Variants in CACNA2D1 observed in about 807,000 individuals in gnomAD.
CACNA2D1 encodes the protein calcium voltage-gated channel auxiliary subunit alpha2delta 1, also known as voltage-dependent calcium channel subunit alpha-2/delta-1.
In CACNA2D1, 53 loss-of-function variants were observed where a neutral mutation model predicts 171.5. The observed-to-expected ratio is 0.31, with a 90% CI of 0.25 to 0.39. CACNA2D1 has a LOEUF of 0.39. Among genes scored for constraint, CACNA2D1 ranks in the 10% least tolerant of loss-of-function variants. The pLI, the probability that CACNA2D1 is intolerant of heterozygous loss-of-function variation, is 1.00. For synonymous variants in CACNA2D1, 442 were observed against 443.1 expected, an observed-to-expected ratio of 1.00 and a Z score of 0.03; for missense variants, 903 against 1,299.8, an observed-to-expected ratio of 0.69 and a Z score of 4.69.
At chr7:82,001,984 T>C (rs1798648967) in intron 18 of CACNA2D1, among the ~76,000 whole-genome samples, 2 of 126,630 alleles carry the variant, frequency 1.6e-5, no homozygotes, top group African/African-American at 3.0e-5. Context: ...GTGGGAAAAA[T>C]GGTTGTTTGT....
At chr7:82,274,431 T>A (rs1304854083) in intron 3 of CACNA2D1, among the ~76,000 whole-genome samples, 1 of 152,216 alleles carries the variant, frequency 6.6e-6, no homozygotes, top group African/African-American at 2.4e-5. Context: ...CCCTAGTTCC[T>A]AGAAATAGCA....
At chr7:82,060,186 T>TATA (rs1806556289) in intron 10 of CACNA2D1, among the ~76,000 whole-genome samples, 4 of 13,166 alleles carry the variant, frequency 3.0e-4, no homozygotes, top group African/African-American at 1.1e-3. Context: ...ATAATATATA[T>TATA]ATATTATATA....
intron 4 of CACNA2D1, among the ~76,000 whole-genome samples, chr7:82,157,565 G>C (rs1450178988): frequency 6.6e-6 from 1 of 151,932 alleles, no homozygotes; most frequent in Non-Finnish European, 1.5e-5. Flanking sequence ...GAAGCCTCAG[G>C]ATCAACATCT....
chr7:82,307,806 T>A (rs1813923061), intron 3 of CACNA2D1, among the ~76,000 whole-genome samples: 1 of 152,148 alleles, frequency 6.6e-6, no homozygotes, highest in Non-Finnish European at 1.5e-5. Context: ...ACTTGGTAGA[T>A]ACCTTCTGTT....
chr7:82,335,313 C>T (rs1285863231), intron 2 of CACNA2D1, 62 bp from the exon 3 acceptor site: 1 of 928,452 alleles, frequency 1.1e-6, no homozygotes, highest in Non-Finnish European at 1.8e-6. Context: ...TACAAGTTCC[C>T]ATTGGAATGT....
intron 16 of CACNA2D1, among the ~76,000 whole-genome samples, chr7:82,006,980 TCTTAA>T (rs1316451265): frequency 1.3e-5 from 2 of 152,096 alleles, no homozygotes; most frequent in African/African-American, 4.8e-5. Flanking sequence ...ATTAAAAAAG[TCTTAA>T]CTTCAAAATC....
At chr7:82,259,091 T>A (rs965897902) in intron 3 of CACNA2D1, among the ~76,000 whole-genome samples, 2 of 152,112 alleles carry the variant, frequency 1.3e-5, no homozygotes, top group Non-Finnish European at 2.9e-5. Context: ...CCTCCCAAAG[T>A]GCTGGAATTA....
At chr7:82,256,992 G>T (rs1427434749) in intron 3 of CACNA2D1, among the ~76,000 whole-genome samples, 1 of 152,106 alleles carries the variant, frequency 6.6e-6, no homozygotes, top group Non-Finnish European at 1.5e-5. Flanking sequence ...ATTAGAGATG[G>T]TATCAATGGT....
At chr7:81,954,857 C>T (rs1253089194) in intron 38 of CACNA2D1, among the ~76,000 whole-genome samples, 1 of 152,068 alleles carries the variant, frequency 6.6e-6, no homozygotes, top group African/African-American at 2.4e-5. Context: ...CATGTAGATA[C>T]TGCATAATAA....
chr7:82,195,742 C>G (rs906965098), intron 3 of CACNA2D1, among the ~76,000 whole-genome samples: 2 of 151,804 alleles, frequency 1.3e-5, no homozygotes, highest in African/African-American at 4.8e-5. Flanking sequence ...GCCTGGCTCA[C>G]CCTGAGAAGT....
intron 26 of CACNA2D1, among the ~76,000 whole-genome samples, chr7:81,971,271 G>A (rs1313419444): frequency 1.3e-5 from 2 of 151,538 alleles, no homozygotes; most frequent in East Asian, 1.9e-4. Flanking sequence ...GTGGAGGAAT[G>A]GAGAACACTA....
chr7:82,087,968 C>T (rs556103098), intron 6 of CACNA2D1, among the ~76,000 whole-genome samples: 6 of 152,282 alleles, frequency 3.9e-5, no homozygotes, highest in South Asian at 2.1e-4. Flanking sequence ...TTTATACACA[C>T]ATTATCTCTC....
chr7:82,386,485 G>A (rs993797100), intron 1 of CACNA2D1, among the ~76,000 whole-genome samples: 1 of 152,102 alleles, frequency 6.6e-6, no homozygotes, highest in African/African-American at 2.4e-5. Context: ...TGTGGCTCAT[G>A]CCTTTAATCC....
intron 3 of CACNA2D1, among the ~76,000 whole-genome samples, chr7:82,237,413 A>T (rs1803731043): frequency 6.6e-6 from 1 of 151,870 alleles, no homozygotes; most frequent in Non-Finnish European, 1.5e-5. Flanking sequence ...ACAGATATAT[A>T]CTTATATCAT....
At chr7:82,351,485 T>C (rs1293107691) in intron 1 of CACNA2D1, among the ~76,000 whole-genome samples, 1 of 151,938 alleles carries the variant, frequency 6.6e-6, no homozygotes, top group Non-Finnish European at 1.5e-5. Flanking sequence ...TGAAACAAAC[T>C]AGTTACTAAA....
At chr7:82,288,120 G>A (rs976202464) in intron 3 of CACNA2D1, among the ~76,000 whole-genome samples, 3 of 151,766 alleles carry the variant, frequency 2.0e-5, no homozygotes, top group Non-Finnish European at 4.4e-5. Context: ...GATTACAGGC[G>A]TGAGCCACCG....
chr7:82,123,507 C>G (rs1234383299), intron 5 of CACNA2D1, among the ~76,000 whole-genome samples: 1 of 152,114 alleles, frequency 6.6e-6, no homozygotes, highest in Non-Finnish European at 1.5e-5. Flanking sequence ...GTAATAAATT[C>G]AAATTTTAAA....
intron 24 of CACNA2D1, among the ~76,000 whole-genome samples, chr7:81,978,820 ATT>A (rs1491259537): frequency 0.058 from 1,238 of 21,234 alleles, 9 homozygotes; most frequent in African/African-American, 0.16. Flanking sequence ...ATATATATAT[ATT>A]TATTTATTTA....
chr7:82,312,524 T>C, intron 3 of CACNA2D1, among the ~76,000 whole-genome samples: 1 of 150,352 alleles, frequency 6.7e-6, no homozygotes, highest in Admixed American at 6.6e-5. Flanking sequence ...TTTTTTTTTT[T>C]TTTTTTTGAG....
Sources: allele counts gnomAD v4.1 joint callset (sites outside exome capture counted in the v4.1 genomes callset), GRCh38; gene constraint gnomAD v4.1.1; transcripts MANE v1.5; gene names NCBI Gene and HGNC (gene_info 2026-07-23, HGNC 2026-07-21).